Variants in SUGCT observed in about 807,000 individuals in gnomAD.
The protein encoded by SUGCT is succinyl-CoA:glutarate CoA-transferase.
Under a neutral mutation model 55.0 loss-of-function variants are expected in SUGCT, and 41 were observed. The observed-to-expected ratio is 0.74, with a 90% confidence interval of 0.58 to 0.97. The LOEUF is 0.97. Ranked by LOEUF, SUGCT falls within the 50% of genes least tolerant of loss-of-function variation. SUGCT has a pLI of 0.00. For missense variants in SUGCT, 568 were observed against 547.8 expected (o/e 1.04, Z -0.37); for synonymous variants, 187 against 200.4 (o/e 0.93, Z 0.56).
the SUGCT span, among the ~76,000 whole-genome samples, chr7:41,015,428 T>C: frequency 1.3e-5 from 2 of 152,176 alleles, no homozygotes; most frequent in African/African-American, 4.8e-5. Context: ...CCTGCCGTCA[T>C]ATTTTTAAAA....
rs1480424290 is a variant in SUGCT at position 40,195,078 on chromosome 7, C to T, written c.484+18C>T. 10 of 1,601,338 alleles carry T rather than the reference C, an allele frequency of 6.2e-6. No homozygotes were observed. Among genetic ancestry groups the T allele is most frequent in the Non-Finnish European group, 8.5e-6 (10 of 1,173,746 alleles). On this transcript the variant is annotated intron_variant, in intron 6 of 13. Transcript: ENST00000335693. The stretch of plus-strand genomic sequence containing the variant: ...CATCACAGGTATTTCAACCCCACAC[C>T]CTTGTCAGTTAAAAGGTTTTCCAGT...
At chr7:40,966,333 A>C in the SUGCT span, 1 of 152,164 alleles carries the variant, frequency 6.6e-6, no homozygotes, top group Non-Finnish European at 1.5e-5. Flanking sequence ...ATAGAAAACA[A>C]AGCTGTTACA....
intron 7 of SUGCT, among the ~76,000 whole-genome samples, chr7:40,245,356 G>A (rs1462911196): frequency 7.2e-6 from 1 of 138,462 alleles, no homozygotes. Context: ...ACCGCACCTG[G>A]CCATGAACTT....
the SUGCT span, among the ~76,000 whole-genome samples, chr7:40,867,329 A>G: frequency 6.0e-5 from 9 of 150,906 alleles, no homozygotes; most frequent in South Asian, 4.2e-4. Flanking sequence ...ATATATATAT[A>G]TGTGTATATA....
At chr7:40,135,169 C>A in intron 1 of SUGCT, 49 bp downstream of exon 1, 1 of 1,511,612 alleles carries the variant, frequency 6.6e-7, no homozygotes, top group East Asian at 2.6e-5. Context: ...CCTGCCCCAG[C>A]TTGCCTCCTC....
At chr7:40,357,974 G>A (rs4612243) in intron 9 of SUGCT, among the ~76,000 whole-genome samples, 89,462 of 152,008 alleles carry the variant, frequency 0.59, 26,493 homozygotes, top group South Asian at 0.65. Context: ...CCAAAAAATA[G>A]GTCCTGCTTT....
intron 9 of SUGCT, among the ~76,000 whole-genome samples, chr7:40,325,477 G>A (rs534106446): frequency 6.6e-6 from 1 of 152,152 alleles, no homozygotes; most frequent in East Asian, 1.9e-4. Flanking sequence ...ATGTATGTAT[G>A]TATTTATAAA....
intron 7 of SUGCT, among the ~76,000 whole-genome samples, chr7:40,242,319 A>T (rs1471702307): frequency 6.6e-6 from 1 of 151,890 alleles, no homozygotes. Flanking sequence ...GATTATAGGC[A>T]TGTGCCACCA....
At chr7:40,609,717 AAT>A in intron 12 of SUGCT, among the ~76,000 whole-genome samples, 1 of 152,190 alleles carries the variant, frequency 6.6e-6, no homozygotes, top group Non-Finnish European at 1.5e-5. Flanking sequence ...ATACCTGAAG[AAT>A]TGGGCCGAAT....
At chr7:40,348,472 G>A (rs1015053061) in intron 9 of SUGCT, among the ~76,000 whole-genome samples, 1 of 152,170 alleles carries the variant, frequency 6.6e-6, no homozygotes, top group African/African-American at 2.4e-5. Context: ...GATGATTGGT[G>A]TGGGCATAGG....
At chr7:40,248,302 C>G (rs181224831) in intron 7 of SUGCT, among the ~76,000 whole-genome samples, 1 of 152,140 alleles carries the variant, frequency 6.6e-6, no homozygotes. Flanking sequence ...TGAGCCACCA[C>G]GCCCGGCCTA....
intron 12 of SUGCT, among the ~76,000 whole-genome samples, chr7:40,597,478 G>A (rs1798071472): frequency 6.6e-6 from 1 of 152,192 alleles, no homozygotes; most frequent in Non-Finnish European, 1.5e-5. Flanking sequence ...ATAAGGTCAT[G>A]TGGTAGTCAT....
chr7:40,308,374 A>G (rs915920799), intron 8 of SUGCT, among the ~76,000 whole-genome samples: 2 of 152,176 alleles, frequency 1.3e-5, no homozygotes, highest in Non-Finnish European at 2.9e-5. Context: ...AAGTATTAAC[A>G]TACTTAATCT....
At chr7:40,247,416 C>T (rs1304876916) in intron 7 of SUGCT, among the ~76,000 whole-genome samples, 3 of 151,972 alleles carry the variant, frequency 2.0e-5, no homozygotes, top group Non-Finnish European at 2.9e-5. Context: ...CCACCATGAC[C>T]GGCTAATATT....
At chr7:40,435,926 C>CTTTCT (rs545282209) in intron 9 of SUGCT, among the ~76,000 whole-genome samples, 19,402 of 133,442 alleles carry the variant, frequency 0.15, 2,001 homozygotes, top group Non-Finnish European at 0.22. Flanking sequence ...TTGCTGACTG[C>CTTTCT]TTTCTTTTCT....
the SUGCT span, among the ~76,000 whole-genome samples, chr7:40,970,704 G>A: frequency 6.6e-6 from 1 of 152,178 alleles, no homozygotes; most frequent in Non-Finnish European, 1.5e-5. Flanking sequence ...ATTCAACTTG[G>A]GGAGACATTA....
chr7:40,480,580 A>G (rs2151487329), intron 11 of SUGCT, among the ~76,000 whole-genome samples: 1 of 152,246 alleles, frequency 6.6e-6, no homozygotes. Flanking sequence ...TAGGGTTTAT[A>G]TTAAATCTGT....
At chr7:40,772,175 A>G (rs1000378979) in intron 13 of SUGCT, among the ~76,000 whole-genome samples, 4 of 152,082 alleles carry the variant, frequency 2.6e-5, no homozygotes, top group African/African-American at 7.2e-5. Flanking sequence ...TTTCCACACC[A>G]AAAGTCTGTA....
In SUGCT at chr7:40,226,275, C is replaced by T. The variant is rs138728018; in HGVS notation, c.485-11360C>T. Reference sequence around the variant, plus strand: ...CAAAATGAGGTAGAACTGTGTGAATCTACATTATTATACACATGGCAGAAG... The same window carrying T: ...CAAAATGAGGTAGAACTGTGTGAATTTACATTATTATACACATGGCAGAAG... On this transcript the variant is annotated intron_variant, in intron 6 of 13. Transcript: ENST00000335693. Among the ~76,000 whole-genome samples, 214 of 152,244 alleles carry T rather than the reference C, an allele frequency of 1.4e-3. 3 individuals carry two copies. The highest frequency in any genetic ancestry group is 3.4e-3 in the Middle Eastern group (1 of 294).
Sources: gnomAD v4.1 joint callset for allele counts (sites outside exome capture counted in the v4.1 genomes callset) on GRCh38, gnomAD v4.1.1 for gene constraint, MANE v1.5 for transcripts, NCBI Gene and HGNC (gene_info 2026-07-23, HGNC 2026-07-21) for gene names.